The following TBCE variants were observed in gnomAD, a reference collection of about 807,000 sequenced individuals.
TBCE encodes the protein tubulin folding cofactor E, also known as tubulin-specific chaperone E.
Under a neutral mutation model 77.0 loss-of-function variants are expected in TBCE, and 53 were observed. The observed-to-expected ratio is 0.69, with a 90% confidence interval of 0.55 to 0.87. TBCE has a LOEUF of 0.87. TBCE is among the 40% of genes least tolerant of loss of function. The pLI is 0.00. For synonymous variants in TBCE, 235 were observed against 241.3 expected (o/e 0.97, Z 0.24); for missense variants, 624 against 622.4 (o/e 1.00, Z -0.03).
At chr1:235,446,848 C>T (rs1482607403) in intron 15 of TBCE, among the ~76,000 whole-genome samples, 1 of 151,894 alleles carries the variant, frequency 6.6e-6, no homozygotes, top group African/African-American at 2.4e-5. Context: ...CTATGCTTGG[C>T]TAATTTTTTA....
intron 4 of TBCE, chr1:235,415,075 C>T (rs1189565492): frequency 4.0e-5 from 9 of 223,160 alleles, no homozygotes; most frequent in East Asian, 2.2e-4. Context: ...GTGGAACATG[C>T]GGCATCCTTG....
intron 2 of TBCE, among the ~76,000 whole-genome samples, chr1:235,391,525 A>G (rs982526743): frequency 6.6e-6 from 1 of 151,426 alleles, no homozygotes; most frequent in African/African-American, 2.4e-5. Context: ...GAATAGTATA[A>G]TGGACACCTG....
At position 235,430,805 on chromosome 1, in the gene TBCE, G is replaced by GA. The variant is rs1198686466; in HGVS notation, c.660+1_660+2insA. ...TCAAACAGGAATAACGTGGGCTGAG[G>GA]TAATCATATTTCTTTGTTTTATTAC... On this transcript the variant is annotated splice_donor_variant, in intron 7 of 16. Transcript: ENST00000642610. LOFTEE classifies it high-confidence loss of function. The GA allele has an allele frequency of 1.2e-6, 2 of 1,611,206 alleles. No individual in the cohort carries two copies. Among genetic ancestry groups the GA allele is most frequent in the Non-Finnish European group, 1.7e-6 (2 of 1,177,806 alleles).
intron 1 of TBCE, among the ~76,000 whole-genome samples, chr1:235,371,381 T>TC (rs1295301427): frequency 6.7e-6 from 1 of 148,216 alleles, no homozygotes; most frequent in African/African-American, 2.5e-5. Context: ...TTTTTCCCTT[T>TC]TTTTTTTTTT....
In TBCE at chr1:235,448,415, TTCTG is replaced by T. The variant is rs1486819474; in HGVS notation, c.1468_1471del (p.Leu490CysfsTer19). 4 of 1,614,128 alleles carry T rather than the reference TTCTG, an allele frequency of 2.5e-6. No homozygotes were observed. Among genetic ancestry groups the T allele is most frequent in the Non-Finnish European group, 3.4e-6 (4 of 1,180,020 alleles). ...CTTCTCAAAGTTCCTGTGTCAGACC[TTCTG>T]TTGTCCTATGAAAGTCCCAAAGTAA... is the stretch of plus-strand genomic sequence containing the variant. On this transcript the variant is annotated frameshift_variant, in exon 16 of 17. Transcript: ENST00000642610. LOFTEE classifies it high-confidence loss of function.
intron 12 of TBCE, among the ~76,000 whole-genome samples, chr1:235,438,363 C>T (rs181808755): frequency 3.6e-4 from 55 of 152,054 alleles, no homozygotes; most frequent in Admixed American, 9.8e-4. Context: ...CTGGCTAACA[C>T]GGCGAAACCC....
At chr1:235,436,232 T>C (rs911466151) in intron 9 of TBCE, 154 bp from the exon 10 acceptor site, 3 of 698,892 alleles carry the variant, frequency 4.3e-6, no homozygotes, top group African/African-American at 3.5e-5. Context: ...GAGTTCACTT[T>C]GCATGTCCTA....
At chr1:235,369,180 A>G (rs945646620) in intron 1 of TBCE, among the ~76,000 whole-genome samples, 6 of 152,048 alleles carry the variant, frequency 3.9e-5, no homozygotes, top group African/African-American at 1.4e-4. Context: ...TTCCTCTCAA[A>G]AATCCTCCAA....
chr1:235,410,705 C>T (rs376349283), intron 3 of TBCE, among the ~76,000 whole-genome samples: 1 of 151,912 alleles, frequency 6.6e-6, no homozygotes. Flanking sequence ...TGACATATTT[C>T]CCCCCTCCCT....
intron 1 of TBCE, among the ~76,000 whole-genome samples, chr1:235,369,431 C>T (rs1180112316): frequency 6.6e-6 from 1 of 151,732 alleles, no homozygotes; most frequent in Non-Finnish European, 1.5e-5. Flanking sequence ...CGCTTGAACC[C>T]GGGAGACAGA....
Position 235,401,515 on chromosome 1 carries a change from G to T in TBCE, c.113G>T (p.Gly38Val), listed in dbSNP as rs759642952. Residue 38 changes from glycine (G) to valine (V), a missense_variant, in exon 3 of 17, where the codon GGA becomes GTA. Gly to Val is a moderately radical substitution (Grantham distance 109). Coordinates refer to ENST00000642610, the MANE Select transcript of TBCE (RefSeq NM_003193.5). Reference sequence around the variant, plus strand: ...CTTGTTCTGCTAGGACCCTGGTTAGGAGTAGAATGGGACAATCCCGAGAGA... The same window carrying T: ...CTTGTTCTGCTAGGACCCTGGTTAGTAGTAGAATGGGACAATCCCGAGAGA... ...VVPPVAGPWL[G>V]VEWDNPERGK... 1 of 1,613,818 alleles carries T rather than the reference G, an allele frequency of 6.2e-7. No homozygotes were observed. The highest frequency in any genetic ancestry group is 8.5e-7 in the Non-Finnish European group (1 of 1,179,814).
At chr1:235,408,097 C>G (rs577184209) in intron 3 of TBCE, among the ~76,000 whole-genome samples, 94 of 152,244 alleles carry the variant, frequency 6.2e-4, no homozygotes, top group African/African-American at 2.0e-3. Flanking sequence ...TCGTGCTGTT[C>G]CAGCCTGTGT....
intron 6 of TBCE, chr1:235,429,370 G>A (rs1680956309): frequency 6.6e-6 from 1 of 152,126 alleles, no homozygotes; most frequent in Admixed American, 6.6e-5. Context: ...TCATGAATAA[G>A]GAATGTGTTT....
At chr1:235,403,587 G>T (rs1657610067) in intron 3 of TBCE, among the ~76,000 whole-genome samples, 1 of 152,082 alleles carries the variant, frequency 6.6e-6, no homozygotes, top group African/African-American at 2.4e-5. Flanking sequence ...ATACTTTTAT[G>T]GTCTTTAATG....
intron 2 of TBCE, among the ~76,000 whole-genome samples, chr1:235,397,192 C>T (rs1165080260): frequency 1.4e-5 from 2 of 138,046 alleles, no homozygotes; most frequent in African/African-American, 5.6e-5. Flanking sequence ...CCAGGATGGT[C>T]TCAATCTCTT....
chr1:235,437,257 T>G, intron 11 of TBCE, 65 bp from the exon 12 acceptor site: 2 of 1,608,844 alleles, frequency 1.2e-6, no homozygotes, highest in Non-Finnish European at 1.7e-6. Context: ...TGTTGCTGGT[T>G]CAAACTTCTG....
In TBCE at chr1:235,419,458, C is replaced by T; in HGVS notation, c.372-15C>T. ...ACGTGCTTATGTATCCATGTGAACT[C>T]TGTTTTTCATGCAGTCAGCTGAGCA... On this transcript the variant is annotated splice_polypyrimidine_tract_variant and intron_variant, in intron 4 of 16. Coordinates refer to ENST00000642610, the MANE Select transcript of TBCE (RefSeq NM_003193.5). 1.2e-6 allele frequency: 2 copies of T among 1,614,084 alleles called. No individual in the cohort carries two copies. Among genetic ancestry groups the T allele is most frequent in the Non-Finnish European group, 8.5e-7 (1 of 1,180,022 alleles).
intron 5 of TBCE, 39 bp from the exon 6 acceptor site, chr1:235,427,101 A>G: frequency 7.1e-7 from 1 of 1,400,430 alleles, no homozygotes; most frequent in Non-Finnish European, 1.0e-6. Context: ...GTCTTTTGTG[A>G]ATCTTTTGAA....
At position 235,419,665 on chromosome 1, in the gene TBCE, C is replaced by T. The variant is rs1163050909; in HGVS notation, c.460+104C>T. 8.8e-6 allele frequency: 13 copies of T among 1,479,992 alleles called. No individual in the cohort carries two copies. The Admixed American group carries it at 1.3e-4, about 15-fold the overall frequency. The allele number at this position is 1,479,992 out of a possible 1,614,324, so 91.7% of individuals were successfully genotyped here. ...CCCATTGTCCAGTCTTGACAACTTC[C>T]TTCCTAATGCAGTTCAGTTTTGCTT... On this transcript the variant is annotated intron_variant, in intron 5 of 16. Coordinates refer to ENST00000642610, the MANE Select transcript of TBCE (RefSeq NM_003193.5).
Sources: allele counts gnomAD v4.1 joint callset (sites outside exome capture counted in the v4.1 genomes callset), GRCh38; gene constraint gnomAD v4.1.1; transcripts MANE v1.5; gene names NCBI Gene and HGNC (gene_info 2026-07-23, HGNC 2026-07-21).